Variants in PIWIL2 observed in about 807,000 individuals in gnomAD.
PIWIL2 encodes piwi like RNA-mediated gene silencing 2, also known as piwi-like protein 2.
Under a neutral mutation model 116.5 loss-of-function variants are expected in PIWIL2, and 81 were observed. The ratio of observed to expected loss-of-function variants is 0.70; its 90% CI spans 0.58 to 0.84. The LOEUF (loss-of-function observed/expected upper bound fraction) is 0.84. Ranked by LOEUF, PIWIL2 falls within the 40% of genes least tolerant of loss-of-function variation. The probability of loss-of-function intolerance (pLI) is 0.00; values close to 1 mark genes in which losing one functional copy is unlikely to be tolerated. For synonymous variants in PIWIL2, 489 were observed against 429.5 expected (o/e 1.14, Z -1.71); for missense variants, 1,272 against 1,212.3 (o/e 1.05, Z -0.73).
rs148037095 is a variant in PIWIL2, at chr8:22,318,212, G to A, written c.2340G>A (p.Pro780=). The A allele has an allele frequency of 1.1e-4, 170 of 1,613,444 alleles. No individual in the cohort carries two copies. In the Admixed American group the frequency reaches 1.6e-3, roughly 15 times the overall value. The change falls in exon 20 of 23, where the codon CCG becomes CCA. Residue 780 remains proline (P), a synonymous_variant. Transcript: ENST00000356766. ...ATTCCCGGGTGGTGTTCCAGATGCC[G>A]CATCAGGAGATTGTGGACAGCCTGA... ...KWYSRVVFQM[P]HQEIVDSLKL... is the part of the protein sequence containing the mutation.
At chr8:22,339,555 G>C (rs577203233) in intron 20 of PIWIL2, among the ~76,000 whole-genome samples, 13 of 152,166 alleles carry the variant, frequency 8.5e-5, no homozygotes, top group African/African-American at 2.9e-4. Context: ...GTAAATCTTT[G>C]TGACCATGTC....
intron 22 of PIWIL2, 39 bp from the exon 23 acceptor site, chr8:22,355,309 TG>T: frequency 6.2e-7 from 1 of 1,605,906 alleles, no homozygotes; most frequent in Non-Finnish European, 8.5e-7. Flanking sequence ...AAATTGAAGG[TG>T]GGGGATGATG....
At chr8:22,320,842 C>T (rs1345152186) in intron 20 of PIWIL2, among the ~76,000 whole-genome samples, 1 of 152,194 alleles carries the variant, frequency 6.6e-6, no homozygotes, top group Admixed American at 6.5e-5. Context: ...ATCCACCCCC[C>T]TCAGCCTCTC....
At chr8:22,311,760 C>T (rs750945406) in intron 16 of PIWIL2, among the ~76,000 whole-genome samples, 2 of 152,044 alleles carry the variant, frequency 1.3e-5, no homozygotes, top group African/African-American at 2.4e-5. Context: ...GGTCATAGCA[C>T]TCACAACTTA....
rs549416857 is a variant in PIWIL2, at chr8:22,279,508, G to C, written c.122G>C (p.Arg41Thr). The change falls in exon 2 of 23, where the codon AGG becomes ACG. Residue 41 changes from arginine to threonine, a missense_variant. Transcript: ENST00000356766. ...AAACCTTTGGACCCAGCTCTGGGCA[G>C]GGGAGCACCTGCAGGCAGAGGCCAT... ...ASKPLDPALG[R>T]GAPAGRGHVF... The C allele has an allele frequency of 1.2e-6, 2 of 1,614,176 alleles. No individual in the cohort carries two copies. Among genetic ancestry groups the C allele is most frequent in the South Asian group, 2.2e-5 (2 of 91,092 alleles).
intron 20 of PIWIL2, among the ~76,000 whole-genome samples, chr8:22,336,873 A>G (rs1194914579): frequency 6.6e-6 from 1 of 152,332 alleles, no homozygotes; most frequent in South Asian, 2.1e-4. Context: ...CCATTTATGA[A>G]AAATAGAAGA....
chr8:22,345,797 A>G (rs1318767623), intron 20 of PIWIL2, among the ~76,000 whole-genome samples: 1 of 152,248 alleles, frequency 6.6e-6, no homozygotes, highest in East Asian at 1.9e-4. Context: ...GTACTGCAAC[A>G]TGGATGAACT....
At chr8:22,296,868 A>G (rs539518851) in intron 10 of PIWIL2, among the ~76,000 whole-genome samples, 32 of 152,144 alleles carry the variant, frequency 2.1e-4, no homozygotes, top group Non-Finnish European at 3.7e-4. Context: ...GCTGGTGACA[A>G]ATTCTTTTAA....
At chr8:22,333,927 G>A (rs911511820) in intron 20 of PIWIL2, among the ~76,000 whole-genome samples, 6 of 151,576 alleles carry the variant, frequency 4.0e-5, no homozygotes, top group African/African-American at 1.5e-4. Context: ...TAAGGAGGAA[G>A]GGCAAGAATG....
chr8:22,309,840 A>T (rs756511159), intron 14 of PIWIL2, 121 bp from the exon 15 acceptor site: 1 of 581,322 alleles, frequency 1.7e-6, no homozygotes, highest in Non-Finnish European at 3.2e-6. Flanking sequence ...GCTAGTCTCA[A>T]AAGTTCTAAC....
intron 22 of PIWIL2, among the ~76,000 whole-genome samples, chr8:22,355,089 A>C (rs192496959): frequency 2.5e-3 from 372 of 151,820 alleles, no homozygotes; most frequent in African/African-American, 4.2e-3. Flanking sequence ...ACAAAACAAA[A>C]AACAACAACA....
At position 22,284,255 on chromosome 8, in the gene PIWIL2, A is replaced by G. The variant is rs1265116216; in HGVS notation, c.726A>G (p.Gln242=). 4 of 1,579,138 alleles carry G rather than the reference A, an allele frequency of 2.5e-6. No homozygotes were observed. Among genetic ancestry groups the G allele is most frequent in the East Asian group, 2.2e-5 (1 of 44,638 alleles). ...AGTGTCATAATGAAGCAGTTTATCAATATCATGTGACTTTCAGGTATTCAC... is the reference window on the plus strand; with the variant it reads ...AGTGTCATAATGAAGCAGTTTATCAGTATCATGTGACTTTCAGGTATTCAC... ...KIQCHNEAVY[Q]YHVTFSPNVE... The change falls in exon 6 of 23, where the codon CAA becomes CAG. Residue 242 remains glutamine, a synonymous_variant. Coordinates refer to ENST00000356766, the MANE Select transcript of PIWIL2 (RefSeq NM_018068.5).
At chr8:22,330,747 T>A (rs1334365457) in intron 20 of PIWIL2, among the ~76,000 whole-genome samples, 3 of 124,152 alleles carry the variant, frequency 2.4e-5, no homozygotes, top group African/African-American at 5.5e-5. Flanking sequence ...TAAATAAAAA[T>A]AGTTGATATA....
At chr8:22,343,916 C>T (rs1295997146) in intron 20 of PIWIL2, among the ~76,000 whole-genome samples, 2 of 152,156 alleles carry the variant, frequency 1.3e-5, no homozygotes, top group African/African-American at 4.8e-5. Flanking sequence ...AAAACTTACG[C>T]CCACACAAAA....
intron 16 of PIWIL2, among the ~76,000 whole-genome samples, chr8:22,312,705 A>G (rs1831363235): frequency 6.6e-6 from 1 of 152,114 alleles, no homozygotes; most frequent in South Asian, 2.1e-4. Context: ...CAGTGGCATG[A>G]TCATAGCTGA....
At chr8:22,282,975 T>C in intron 4 of PIWIL2, 59 bp from the exon 5 acceptor site, 1 of 1,291,408 alleles carries the variant, frequency 7.7e-7, no homozygotes, top group Non-Finnish European at 1.1e-6. Context: ...GGGGGAATAA[T>C]CTGGATGGGA....
intron 10 of PIWIL2, among the ~76,000 whole-genome samples, chr8:22,292,617 A>G (rs760796031): frequency 1.2e-4 from 19 of 152,240 alleles, no homozygotes; most frequent in Non-Finnish European, 1.9e-4. Flanking sequence ...AGCACTGTCA[A>G]AGGACACAAT....
At chr8:22,295,392 A>C (rs1830873562) in intron 10 of PIWIL2, among the ~76,000 whole-genome samples, 2 of 152,074 alleles carry the variant, frequency 1.3e-5, no homozygotes, top group Admixed American at 1.3e-4. Flanking sequence ...TTTAAGCTCA[A>C]ATTCACACCG....
chr8:22,287,434 A>G, intron 6 of PIWIL2, 94 bp from the exon 7 acceptor site: 2 of 806,180 alleles, frequency 2.5e-6, no homozygotes, highest in Admixed American at 1.7e-5. Flanking sequence ...TAGATGGAGC[A>G]GCAGTTACTG....
Sources: gnomAD v4.1 joint callset for allele counts (sites outside exome capture counted in the v4.1 genomes callset) on GRCh38, gnomAD v4.1.1 for gene constraint, MANE v1.5 for transcripts, NCBI Gene and HGNC (gene_info 2026-07-23, HGNC 2026-07-21) for gene names.